TRPV3: variants seen among roughly 807,000 people sequenced by gnomAD.
TRPV3 encodes the protein transient receptor potential cation channel subfamily V member 3.
Under a neutral mutation model 87.1 loss-of-function variants are expected in TRPV3, and 88 were observed. That is an observed-to-expected ratio of 1.01 (90% CI 0.85 to 1.21). TRPV3 has a LOEUF of 1.21. Ranked by LOEUF, TRPV3 falls within the 50% of genes most tolerant of loss-of-function variation. TRPV3 has a pLI of 0.00. For synonymous variants in TRPV3, 438 were observed against 423.3 expected (o/e 1.03, Z -0.43); for missense variants, 1,054 against 1,030.1 (o/e 1.02, Z -0.32).
At chr17:3,515,953 A>G (rs1353102215) in intron 16 of TRPV3, among the ~76,000 whole-genome samples, 29 of 151,902 alleles carry the variant, frequency 1.9e-4, no homozygotes, top group African/African-American at 6.0e-4. Context: ...TTGGGAGGCC[A>G]AGGTGGGTGG....
At chr17:3,527,962 G>T in intron 11 of TRPV3, 63 bp downstream of exon 11, 1 of 1,255,954 alleles carries the variant, frequency 8.0e-7, no homozygotes, top group Non-Finnish European at 1.2e-6. Flanking sequence ...GAGCAGAGAG[G>T]GATGGAGGCT....
chr17:3,532,907 G>A lies in TRPV3; in HGVS notation c.815C>T (p.Thr272Ile), dbSNP rs2074362251. The A allele has an allele frequency of 6.2e-7, 1 of 1,614,140 alleles. No individual in the cohort carries two copies. The highest frequency in any genetic ancestry group is 1.1e-5 in the South Asian group (1 of 91,074). Residue 272 changes from threonine to isoleucine, a missense_variant, in exon 8 of 18, where the codon ACC becomes ATC. Transcript: ENST00000576742. ...GETPLALAAC[T>I]NQPEIVQLLM... Reference sequence around the variant, plus strand: ...CAGCTGCACAATCTCGGGCTGGTTGGTGCATGCTGCCAGGGCCAGGGGCGT... The same window carrying A: ...CAGCTGCACAATCTCGGGCTGGTTGATGCATGCTGCCAGGGCCAGGGGCGT...
intron 2 of TRPV3, chr17:3,553,490 C>T (rs900807086): frequency 1.3e-5 from 2 of 152,912 alleles, no homozygotes; most frequent in African/African-American, 4.8e-5. Flanking sequence ...CTGGCCGGTA[C>T]TTCAGCTACA....
chr17:3,541,564 C>G (rs1393128734), intron 6 of TRPV3, among the ~76,000 whole-genome samples: 2 of 152,220 alleles, frequency 1.3e-5, no homozygotes, highest in African/African-American at 4.8e-5. Context: ...GGGAGCCACT[C>G]TCCCAAATTT....
intron 7 of TRPV3, 123 bp from the exon 8 acceptor site, chr17:3,533,060 TC>T: frequency 9.0e-7 from 1 of 1,110,880 alleles, no homozygotes; most frequent in Non-Finnish European, 1.3e-6. Flanking sequence ...CCTAGCCCTC[TC>T]CCCATCTTCC....
At chr17:3,519,547 T>C (rs1375406945) in intron 14 of TRPV3, among the ~76,000 whole-genome samples, 1 of 147,512 alleles carries the variant, frequency 6.8e-6, no homozygotes, top group Non-Finnish European at 1.5e-5. Context: ...GATGGATGGA[T>C]GGACCAATTG....
intron 9 of TRPV3, 147 bp from the exon 10 acceptor site, chr17:3,529,142 G>A (rs2074326772): frequency 1.0e-6 from 1 of 986,988 alleles, no homozygotes; most frequent in Non-Finnish European, 1.5e-6. Context: ...AATGCTGGGA[G>A]GGTGATTTCC....
At chr17:3,536,728 G>A (rs886733425) in intron 6 of TRPV3, among the ~76,000 whole-genome samples, 1 of 152,186 alleles carries the variant, frequency 6.6e-6, no homozygotes, top group African/African-American at 2.4e-5. Context: ...GAAGAAGGGT[G>A]TCTCAGGTAA....
chr17:3,551,732 G>A (rs766674449), intron 2 of TRPV3, among the ~76,000 whole-genome samples: 37 of 152,208 alleles, frequency 2.4e-4, no homozygotes, highest in South Asian at 1.0e-3. Context: ...TGCTCTCAGG[G>A]AATGGCACGA....
chr17:3,519,658 A>G (rs908581006), intron 14 of TRPV3, among the ~76,000 whole-genome samples: 1 of 146,104 alleles, frequency 6.8e-6, no homozygotes, highest in Non-Finnish European at 1.5e-5. Flanking sequence ...AGATGGATGG[A>G]TGGACTGATT....
chr17:3,510,872 C>A lies in TRPV3; in HGVS notation c.*3045G>T, dbSNP rs773007859. 2.9e-4 allele frequency: 44 copies of A among 152,280 alleles called. No homozygotes were observed. Among genetic ancestry groups the A allele is most frequent in the Admixed American group, 2.0e-3 (30 of 15,288 alleles). The allele number at this position is 152,280 out of a possible 1,614,324, so 9.4% of individuals were successfully genotyped here. On this transcript the variant is annotated 3_prime_UTR_variant, in exon 18 of 18. Transcript: ENST00000576742. Reference sequence around the variant, plus strand: ...ATAAAGGGCTCTCTCAGGCTGGAGCCTTCTAAGAGCCTGAAGACTTCACAG... The same window carrying A: ...ATAAAGGGCTCTCTCAGGCTGGAGCATTCTAAGAGCCTGAAGACTTCACAG...
chr17:3,522,079 A>AAATT (rs779821239), intron 13 of TRPV3, among the ~76,000 whole-genome samples: 5 of 152,100 alleles, frequency 3.3e-5, no homozygotes, highest in Admixed American at 1.3e-4. Flanking sequence ...CTGTCTCAAA[A>AAATT]AATTAATTAA....
chr17:3,541,496 A>T (rs961431460), intron 6 of TRPV3, among the ~76,000 whole-genome samples: 7 of 152,158 alleles, frequency 4.6e-5, no homozygotes, highest in Non-Finnish European at 1.0e-4. Context: ...CTGTTGACTG[A>T]CTCCAAAACT....
intron 2 of TRPV3, among the ~76,000 whole-genome samples, 165 bp from the exon 3 acceptor site, chr17:3,545,436 A>G (rs2074514961): frequency 6.6e-6 from 1 of 152,360 alleles, no homozygotes; most frequent in Admixed American, 6.5e-5. Context: ...TCGGAGATGG[A>G]CACTGTCATT....
chr17:3,527,899 AG>A (rs1376843991), intron 11 of TRPV3, 125 bp downstream of exon 11: 1 of 724,332 alleles, frequency 1.4e-6, no homozygotes, highest in African/African-American at 1.8e-5. Context: ...TAACTCAGAA[AG>A]GTAAGGCTTG....
At chr17:3,526,971 C>T (rs754026211) in intron 11 of TRPV3, 44 bp from the exon 12 acceptor site, 19 of 1,533,682 alleles carry the variant, frequency 1.2e-5, no homozygotes, top group Non-Finnish European at 1.6e-5. Context: ...CTTCATGGCC[C>T]TCAGCAGGGG....
chr17:3,550,707 G>A (rs1385276480), intron 2 of TRPV3, among the ~76,000 whole-genome samples: 1 of 151,894 alleles, frequency 6.6e-6, no homozygotes, highest in East Asian at 1.9e-4. Context: ...TGTATTTTTA[G>A]TAGAGACAGG....
rs74848713 is a variant in TRPV3, at chr17:3,543,327, T to C, written c.466+147A>G. On this transcript the variant is annotated intron_variant, in intron 5 of 17. Coordinates refer to ENST00000576742, the MANE Select transcript of TRPV3 (RefSeq NM_145068.4). ...CAAACCCTTCTGTGGTTCCCCATTCTCCTCGGAGTCAAGTTCAAAGTCCCT... is the reference window on the plus strand; with the variant it reads ...CAAACCCTTCTGTGGTTCCCCATTCCCCTCGGAGTCAAGTTCAAAGTCCCT... 6,814 of 1,039,724 alleles carry C rather than the reference T, an allele frequency of 6.6e-3. 180 individuals carry two copies. In the East Asian group the frequency reaches 0.068, roughly 10 times the overall value. 64.4% of individuals were successfully genotyped at this position (1,039,724 alleles called of 1,614,324 possible). A position where few individuals can be genotyped will look rare whatever the true frequency, so the allele number is the denominator to read the frequency against.
rs10573788 is a variant in TRPV3, at chr17:3,513,849, GCA to G, written c.*66_*67del. 151,567 of 1,373,078 alleles carry G rather than the reference GCA, an allele frequency of 0.11. 11,391 individuals carry two copies. The highest frequency in any genetic ancestry group is 0.31 in the African/African-American group (21,594 of 69,634). 85.1% of individuals were successfully genotyped at this position (1,373,078 alleles called of 1,614,324 possible). On this transcript the variant is annotated 3_prime_UTR_variant, in exon 18 of 18. Transcript: ENST00000576742. ...CTCCACCATCCCTCAAAGCCTCTCTGCACAGAGTCGGTGACTCCGCCTGCAGC... is the reference window on the plus strand; with the variant it reads ...CTCCACCATCCCTCAAAGCCTCTCTGCAGAGTCGGTGACTCCGCCTGCAGC...
Sources: allele counts gnomAD v4.1 joint callset (sites outside exome capture counted in the v4.1 genomes callset), GRCh38; gene constraint gnomAD v4.1.1; transcripts MANE v1.5; gene names NCBI Gene and HGNC (gene_info 2026-07-23, HGNC 2026-07-21).